R3HDM2: variants seen among roughly 807,000 people sequenced by gnomAD.
The protein encoded by R3HDM2 is R3H domain containing 2, also known as R3H domain-containing protein 2.
Under a neutral mutation model 124.5 loss-of-function variants are expected in R3HDM2, and 38 were observed. The observed-to-expected ratio is 0.31, with a 90% CI of 0.24 to 0.40. The LOEUF (loss-of-function observed/expected upper bound fraction) is 0.40. Among genes scored for constraint, R3HDM2 ranks in the 10% least tolerant of loss-of-function variants. R3HDM2 has a pLI of 1.00. For missense variants in R3HDM2, 869 were observed against 1,236.9 expected (o/e 0.70, Z 4.46); for synonymous variants, 391 against 448.0 (o/e 0.87, Z 1.61).
chr12:57,272,235 G>C (rs2043741957), intron 14 of R3HDM2, among the ~76,000 whole-genome samples: 1 of 152,164 alleles, frequency 6.6e-6, no homozygotes, highest in Non-Finnish European at 1.5e-5. Flanking sequence ...GGAACACAGT[G>C]TTCCTCTGTC....
At position 57,254,167 on chromosome 12, in the gene R3HDM2, A is replaced by C. The variant is rs1156440246; in HGVS notation, c.*606T>G. 2.2e-6 allele frequency: 1 copy of C among 456,142 alleles called. No homozygotes were observed. The highest frequency in any genetic ancestry group is 6.9e-5 in the East Asian group (1 of 14,404). The allele number at this position is 456,142 out of a possible 1,614,324, so 28.3% of individuals were successfully genotyped here. On this transcript the variant is annotated 3_prime_UTR_variant, in exon 24 of 24. Coordinates refer to ENST00000402412, the MANE Select transcript of R3HDM2 (RefSeq NM_001394031.1). ...ATTCTACCTGACCAAAAAATGAGAA[A>C]TTAATTTTATGATAGGAGAAGAGAT...
Position 57,256,422 on chromosome 12 carries a change from C to T in R3HDM2, c.2539G>A (p.Val847Met). The T allele has an allele frequency of 6.3e-7, 1 of 1,585,376 alleles. No homozygotes were observed. Among genetic ancestry groups the T allele is most frequent in the Non-Finnish European group, 8.6e-7 (1 of 1,164,428 alleles). The change falls in exon 22 of 24, where the codon GTG becomes ATG. Residue 847 changes from valine to methionine, a missense_variant. Around this residue, in one of 2 missense-constraint regions of R3HDM2, gnomAD observed 602 missense variants for 789.2 expected, o/e 0.76. Coordinates refer to ENST00000402412, the MANE Select transcript of R3HDM2 (RefSeq NM_001394031.1). ...PLLHGQSTYT[V>M]HQGQSGLKHG... ...CTGGTGGACACCCTTACCTGGTGCACCGTGTAAGTTGACTGGCCATGGAGC... is the reference window on the plus strand; with the variant it reads ...CTGGTGGACACCCTTACCTGGTGCATCGTGTAAGTTGACTGGCCATGGAGC...
At chr12:57,410,163 T>TA (rs1364300998) in intron 1 of R3HDM2, among the ~76,000 whole-genome samples, 1 of 152,134 alleles carries the variant, frequency 6.6e-6, no homozygotes, top group East Asian at 1.9e-4. Flanking sequence ...CATATTCACT[T>TA]TGTATGTGTA....
Position 57,258,038 on chromosome 12 carries a change from G to A in R3HDM2, c.2401C>T (p.Pro801Ser). ...SLSSVCTGLS[P>S]LPVLTQFPRP... ...GGGAACTGTGTGAGGACAGGCAGGG[G>A]ACTGAGTCCTGTGCAGACACTGCTG... The change falls in exon 21 of 24, where the codon CCC becomes TCC. Residue 801 changes from proline (P) to serine (S), a missense_variant. This residue lies in a region of R3HDM2 where 602 missense variants were observed against 789.2 expected (regional missense o/e 0.76). Coordinates refer to ENST00000402412, the MANE Select transcript of R3HDM2 (RefSeq NM_001394031.1). 6.3e-7 allele frequency: 1 copy of A among 1,595,360 alleles called. No individual in the cohort carries two copies. Among genetic ancestry groups the A allele is most frequent in the South Asian group, 1.1e-5 (1 of 88,544 alleles).
At position 57,256,013 on chromosome 12, in the gene R3HDM2, G is replaced by A. The variant is rs773643903; in HGVS notation, c.2609C>T (p.Thr870Ile). ...GKRQALKSASTDLGTADVVLG... is the reference protein window; with the variant it reads ...GKRQALKSASIDLGTADVVLG... ...ACCAACATCTGCTGTCCCCAGGTCAGTGGAGGCAGATTTGAGTGCTTGTCT... is the reference window on the plus strand; with the variant it reads ...ACCAACATCTGCTGTCCCCAGGTCAATGGAGGCAGATTTGAGTGCTTGTCT... The change falls in exon 23 of 24, where the codon ACT becomes ATT. Residue 870 changes from threonine to isoleucine, a missense_variant. Thr to Ile is a moderately conservative substitution (Grantham distance 89, BLOSUM62 -1). Transcript: ENST00000402412. The A allele has an allele frequency of 6.2e-7, 1 of 1,613,870 alleles. No homozygotes were observed. The highest frequency in any genetic ancestry group is 8.5e-7 in the Non-Finnish European group (1 of 1,179,846).
At chr12:57,322,026 G>A (rs1017111699) in intron 2 of R3HDM2, among the ~76,000 whole-genome samples, 10 of 152,142 alleles carry the variant, frequency 6.6e-5, no homozygotes, top group African/African-American at 1.4e-4. Context: ...CCAGGAGTTC[G>A]AGACCAGCCT....
chr12:57,400,195 A>G (rs532748144), intron 1 of R3HDM2, among the ~76,000 whole-genome samples: 1 of 152,290 alleles, frequency 6.6e-6, no homozygotes, highest in South Asian at 2.1e-4. Context: ...ATGTCCAACA[A>G]TGATAGACTG....
At chr12:57,400,365 T>C (rs548290282) in intron 1 of R3HDM2, among the ~76,000 whole-genome samples, 9 of 145,976 alleles carry the variant, frequency 6.2e-5, no homozygotes, top group African/African-American at 1.5e-4. Flanking sequence ...TTCTCACTCA[T>C]AGGTGGGAAT....
chr12:57,381,617 A>C (rs2064893151), intron 2 of R3HDM2, among the ~76,000 whole-genome samples: 1 of 152,088 alleles, frequency 6.6e-6, no homozygotes, highest in African/African-American at 2.4e-5. Context: ...ATCTCTAATA[A>C]AGAAAAGAAA....
At chr12:57,377,991 A>C (rs899567009) in intron 2 of R3HDM2, among the ~76,000 whole-genome samples, 9 of 151,902 alleles carry the variant, frequency 5.9e-5, no homozygotes, top group Non-Finnish European at 7.4e-5. Context: ...GGGAGGCTGA[A>C]GGGAGGCTGA....
At chr12:57,261,006 C>G (rs1294340118) in intron 19 of R3HDM2, among the ~76,000 whole-genome samples, 3 of 152,178 alleles carry the variant, frequency 2.0e-5, no homozygotes, top group African/African-American at 7.2e-5. Flanking sequence ...CTCAGTGCAA[C>G]AGGCTCAGAT....
At chr12:57,386,369 C>G (rs1270350287) in intron 2 of R3HDM2, among the ~76,000 whole-genome samples, 1 of 152,256 alleles carries the variant, frequency 6.6e-6, no homozygotes. Flanking sequence ...AGCACGAGTT[C>G]CGGGTGGGAG....
Position 57,348,693 on chromosome 12 carries a change from C to CAAAAAAAAAAAAAAAAAAAAAAAA in R3HDM2, c.-35-38254_-35-38231dup, listed in dbSNP as rs1168127324. ...TGGGCGACAGAGCGAGACTCCGTCT[C>CAAAAAAAAAAAAAAAAAAAAAAAA]AAAAAAAAAAAAAAAAAAAAAAAAA... On this transcript the variant is annotated intron_variant, in intron 2 of 23. Coordinates refer to ENST00000402412, the MANE Select transcript of R3HDM2 (RefSeq NM_001394031.1). Among the ~76,000 whole-genome samples the CAAAAAAAAAAAAAAAAAAAAAAAA allele has an allele frequency of 1.2e-4, 3 of 25,134 alleles. 1 individual carries two copies. The highest frequency in any genetic ancestry group is 4.9e-4 in the African/African-American group (3 of 6,064). 16.5% of individuals were successfully genotyped at this position (25,134 alleles called of 152,430 possible). A position where few individuals can be genotyped will look rare whatever the true frequency, so the allele number is the denominator to read the frequency against.
chr12:57,301,772 A>T (rs578003684), intron 4 of R3HDM2, among the ~76,000 whole-genome samples: 118 of 152,280 alleles, frequency 7.7e-4, no homozygotes, highest in African/African-American at 2.7e-3. Context: ...TTTTTGGAGG[A>T]ACAGGGTGGC....
intron 1 of R3HDM2, among the ~76,000 whole-genome samples, chr12:57,410,595 A>G (rs1452426859): frequency 1.3e-5 from 2 of 152,184 alleles, no homozygotes; most frequent in South Asian, 2.1e-4. Context: ...GTTCACGCCT[A>G]TAATTCCGAC....
At chr12:57,429,535 C>A (rs1869095817) in intron 1 of R3HDM2, among the ~76,000 whole-genome samples, 1 of 152,096 alleles carries the variant, frequency 6.6e-6, no homozygotes, top group Non-Finnish European at 1.5e-5. Flanking sequence ...CCAGCCTGGG[C>A]AGCAAGGTGA....
intron 6 of R3HDM2, among the ~76,000 whole-genome samples, chr12:57,298,678 C>G (rs61937596): frequency 6.7e-6 from 1 of 149,472 alleles, no homozygotes; most frequent in Admixed American, 6.7e-5. Flanking sequence ...AAAAAAAAAC[C>G]AGGCCAGGCG....
At chr12:57,325,184 C>T (rs2057125241) in intron 2 of R3HDM2, among the ~76,000 whole-genome samples, 1 of 152,192 alleles carries the variant, frequency 6.6e-6, no homozygotes, top group East Asian at 1.9e-4. Context: ...ACTCTGTCGC[C>T]CAGGCTAGAG....
At chr12:57,416,968 C>T (rs1004504755) in intron 1 of R3HDM2, among the ~76,000 whole-genome samples, 3 of 149,520 alleles carry the variant, frequency 2.0e-5, no homozygotes, top group African/African-American at 7.4e-5. Flanking sequence ...ATTAGCCAGG[C>T]GTGGTGGCGG....
Sources: gnomAD v4.1 joint callset for allele counts (sites outside exome capture counted in the v4.1 genomes callset) on GRCh38, gnomAD v4.1.1 for gene constraint, gnomAD v4.1.1 regional missense constraint, MANE v1.5 for transcripts, NCBI Gene and HGNC (gene_info 2026-07-23, HGNC 2026-07-21) for gene names.